Variants in PIWIL1 observed in about 807,000 individuals in gnomAD.
PIWIL1 encodes piwi-like protein 1.
Under a neutral mutation model 114.4 loss-of-function variants are expected in PIWIL1, and 73 were observed. The ratio of observed to expected loss-of-function variants is 0.64; its 90% confidence interval spans 0.53 to 0.78. PIWIL1 has a LOEUF of 0.78. Ranked by LOEUF, PIWIL1 falls within the 30% of genes least tolerant of loss-of-function variation. The probability of loss-of-function intolerance (pLI) is 0.00; values close to 1 mark genes in which losing one functional copy is unlikely to be tolerated. For missense variants in PIWIL1, 723 were observed against 1,063.1 expected (o/e 0.68, Z 4.45); for synonymous variants, 375 against 369.0 (o/e 1.02, Z -0.19).
At chr12:130,409,946 C>T in the PIWIL1 span, among the ~76,000 whole-genome samples, 1 of 152,190 alleles carries the variant, frequency 6.6e-6, no homozygotes, top group Non-Finnish European at 1.5e-5. Flanking sequence ...TGTAAGTGCA[C>T]ATATAACTTT....
intron 6 of PIWIL1, 101 bp from the exon 7 acceptor site, chr12:130,348,002 C>T: frequency 1.4e-6 from 1 of 698,624 alleles, no homozygotes. Context: ...GGCCTGGCTA[C>T]AGACCACAAT....
Position 130,358,531 on chromosome 12 carries a change from G to A in PIWIL1, c.1665+978G>A, listed in dbSNP as rs148313834. The stretch of plus-strand genomic sequence containing the variant: ...CACAGCACTTCTGAAGTTTAATGGC[G>A]GTGTCATGCCCGGCCCCTCCCTAGT... On this transcript the variant is annotated intron_variant, in intron 14 of 20. Transcript: ENST00000245255. Among the ~76,000 whole-genome samples the A allele has an allele frequency of 1.4e-3, 208 of 152,132 alleles. 1 individual carries two copies. Among genetic ancestry groups the A allele is most frequent in the African/African-American group, 4.6e-3 (192 of 41,506 alleles).
At chr12:130,393,224 GT>G in the PIWIL1 span, among the ~76,000 whole-genome samples, 1 of 132,738 alleles carries the variant, frequency 7.5e-6, no homozygotes, top group Non-Finnish European at 1.6e-5. Flanking sequence ...CATCATGTGT[GT>G]CTGTCAGTTA....
the PIWIL1 span, among the ~76,000 whole-genome samples, chr12:130,423,581 C>G: frequency 7.2e-6 from 1 of 139,024 alleles, no homozygotes; most frequent in South Asian, 2.2e-4. Context: ...GAAGGCTGAT[C>G]ATGGAAAATT....
rs759880307 is a variant in PIWIL1 at position 130,356,957 on chromosome 12, A to G, written c.1444A>G (p.Thr482Ala). The change falls in exon 13 of 21, where the codon ACA (threonine) becomes GCA (alanine). Residue 482 changes from threonine to alanine, a missense_variant. Physicochemically the swap from Thr to Ala is moderately conservative, Grantham distance 58. This residue lies in a region of PIWIL1 where 298 missense variants were observed against 420.8 expected (regional missense o/e 0.71). Transcript: ENST00000245255. ...NPQFADWSKE[T>A]RGAPLISVKP... The stretch of plus-strand genomic sequence containing the variant: ...ACAATTTGCAGATTGGTCCAAAGAA[A>G]CAAGAGGTGCACCATTAATTAGTGT... The G allele has an allele frequency of 1.9e-6, 3 of 1,612,600 alleles. No homozygotes were observed. The highest frequency in any genetic ancestry group is 1.7e-6 in the Non-Finnish European group (2 of 1,179,076).
intron 2 of PIWIL1, 67 bp from the exon 3 acceptor site, chr12:130,342,923 C>T: frequency 2.7e-6 from 3 of 1,114,954 alleles, no homozygotes; most frequent in Non-Finnish European, 4.1e-6. Flanking sequence ...AGACTTAAGA[C>T]TAGAAATTTT....
At chr12:130,389,104 TGTTA>T in the PIWIL1 span, among the ~76,000 whole-genome samples, 1 of 152,184 alleles carries the variant, frequency 6.6e-6, no homozygotes, top group Admixed American at 6.5e-5. Flanking sequence ...ACATAGTTCA[TGTTA>T]GTTTAAGATT....
At chr12:130,373,273 G>A (rs1279534085), downstream of PIWIL1, among the ~76,000 whole-genome samples, 1 of 152,168 alleles carries the variant, frequency 6.6e-6, no homozygotes, top group Non-Finnish European at 1.5e-5. Flanking sequence ...CTAATCATAC[G>A]ACTGGAAAAT....
chr12:130,397,117 G>T, the PIWIL1 span: 1 of 296,572 alleles, frequency 3.4e-6, no homozygotes, highest in African/African-American at 2.1e-5. Flanking sequence ...TTAATAAGAC[G>T]TCCCCTCCCA....
intron 1 of PIWIL1, among the ~76,000 whole-genome samples, chr12:130,339,034 C>A (rs2072815538): frequency 6.6e-6 from 1 of 151,982 alleles, no homozygotes; most frequent in African/African-American, 2.4e-5. Context: ...CCGCACTACC[C>A]ACGCGGCCGC....
the PIWIL1 span, among the ~76,000 whole-genome samples, chr12:130,422,894 T>C: frequency 6.6e-6 from 1 of 152,088 alleles, no homozygotes; most frequent in Non-Finnish European, 1.5e-5. The surrounding 1 kb of genome is among the most constrained non-coding windows in gnomAD (Gnocchi z 5.2). Flanking sequence ...CCGCCTTGGC[T>C]CCTTGGAGCA....
chr12:130,357,477 C>G lies in PIWIL1; in HGVS notation c.1593-4C>G. On this transcript the variant is annotated splice_polypyrimidine_tract_variant and splice_region_variant and intron_variant, in intron 13 of 20. Transcript: ENST00000245255. ...GAGTGTTGGATTGTGTACTTTCATTCTAGGATTGAAGTGGATGACAGAACT... is the reference window on the plus strand; with the variant it reads ...GAGTGTTGGATTGTGTACTTTCATTGTAGGATTGAAGTGGATGACAGAACT... 2 of 1,610,122 alleles carry G rather than the reference C, an allele frequency of 1.2e-6. No homozygotes were observed. The highest frequency in any genetic ancestry group is 1.1e-5 in the South Asian group (1 of 90,958).
At chr12:130,389,557 T>C in the PIWIL1 span, among the ~76,000 whole-genome samples, 1 of 152,156 alleles carries the variant, frequency 6.6e-6, no homozygotes, top group African/African-American at 2.4e-5. Context: ...CTGGGTTTTC[T>C]AATTTATTAA....
At chr12:130,361,688 T>C (rs2073513598) in intron 16 of PIWIL1, 87 bp downstream of exon 16, 2 of 1,023,496 alleles carry the variant, frequency 2.0e-6, no homozygotes, top group Non-Finnish European at 3.0e-6. Context: ...TCTTCGTTGT[T>C]ATCCTTCCAG....
intron 18 of PIWIL1, among the ~76,000 whole-genome samples, chr12:130,365,214 C>T (rs144298539): frequency 4.6e-5 from 7 of 152,206 alleles, no homozygotes; most frequent in East Asian, 1.9e-4. Flanking sequence ...TGCACTGTTG[C>T]GTGAAGTAGA....
At chr12:130,338,259 C>T in intron 1 of PIWIL1, 113 bp downstream of exon 1, 1 of 297,724 alleles carries the variant, frequency 3.4e-6, no homozygotes, top group Middle Eastern at 1.3e-3. Context: ...GTTGCGGGGG[C>T]GAGGTCCCAG....
the PIWIL1 span, among the ~76,000 whole-genome samples, chr12:130,386,445 TTCCTGTCTCCATTCACCCATGCACACTAC>T: frequency 3.1e-5 from 3 of 96,744 alleles, no homozygotes; most frequent in Admixed American, 1.0e-4. Context: ...ACACTACCCC[TTCCTGTCTCCATTCACCCATGCACACTAC>T]CCCTTCCTGT....
At chr12:130,401,220 A>G in the PIWIL1 span, among the ~76,000 whole-genome samples, 3 of 152,084 alleles carry the variant, frequency 2.0e-5, no homozygotes, top group African/African-American at 7.2e-5. Context: ...GGTTCAAGCA[A>G]TTCTCCCACC....
chr12:130,353,274 T>C (rs952032610), intron 9 of PIWIL1, among the ~76,000 whole-genome samples: 32 of 143,760 alleles, frequency 2.2e-4, no homozygotes, highest in African/African-American at 7.9e-4. Context: ...TGGAGGTGTG[T>C]GTGTGGTTTT....
Sources: allele counts gnomAD v4.1 joint callset (sites outside exome capture counted in the v4.1 genomes callset), GRCh38; gene constraint gnomAD v4.1.1; regional missense constraint gnomAD v4.1.1; non-coding constraint Gnocchi (gnomAD v3.1); transcripts MANE v1.5; gene names NCBI Gene and HGNC (gene_info 2026-07-23, HGNC 2026-07-21).